CATSPERT: variants seen among roughly 807,000 people sequenced by gnomAD.
CATSPERT encodes catsper channel auxiliary subunit tau.
the CATSPERT span, among the ~76,000 whole-genome samples, chr2:201,505,255 GT>G: frequency 6.6e-6 from 1 of 152,078 alleles, no homozygotes; most frequent in South Asian, 2.1e-4. Flanking sequence ...GCTAATTTTT[GT>G]ATTTTTAGTA....
chr2:201,597,163 C>T, the CATSPERT span, among the ~76,000 whole-genome samples: 2 of 152,158 alleles, frequency 1.3e-5, no homozygotes, highest in Admixed American at 6.5e-5. Context: ...TTCTGTAGAA[C>T]ATGGTCCTTG....
the CATSPERT span, among the ~76,000 whole-genome samples, chr2:201,513,557 C>T: frequency 7.2e-5 from 11 of 152,188 alleles, no homozygotes; most frequent in Admixed American, 7.2e-4. Flanking sequence ...ACTACAATTT[C>T]AGCCAGCAGT....
At chr2:201,489,967 G>A in the CATSPERT span, among the ~76,000 whole-genome samples, 3 of 150,844 alleles carry the variant, frequency 2.0e-5, no homozygotes, top group African/African-American at 4.9e-5. Flanking sequence ...AGCGATTCTC[G>A]TGCTTCAGTC....
chr2:201,492,382 T>C, the CATSPERT span: 1 of 1,534,644 alleles, frequency 6.5e-7, no homozygotes, highest in South Asian at 1.2e-5. Flanking sequence ...TTTGCTTAAA[T>C]CAGCTTTTAG....
the CATSPERT span, among the ~76,000 whole-genome samples, chr2:201,609,085 A>T: frequency 3.3e-5 from 5 of 152,252 alleles, no homozygotes; most frequent in East Asian, 3.9e-4. Context: ...GAGACAATTT[A>T]AAAAAAGGTC....
the CATSPERT span, among the ~76,000 whole-genome samples, chr2:201,503,120 T>C: frequency 6.6e-6 from 1 of 152,352 alleles, no homozygotes; most frequent in African/African-American, 2.4e-5. Flanking sequence ...GTATGAACTA[T>C]ATTTATAATG....
At chr2:201,494,372 A>G in the CATSPERT span, 2 of 1,537,146 alleles carry the variant, frequency 1.3e-6, no homozygotes, top group Non-Finnish European at 1.7e-6. Context: ...AAAGACTTCG[A>G]GAGGTGACAT....
chr2:201,601,834 C>G, the CATSPERT span: 1 of 1,609,372 alleles, frequency 6.2e-7, no homozygotes, highest in East Asian at 2.2e-5. Flanking sequence ...CATTTCACAG[C>G]TTTGTTTATA....
the CATSPERT span, among the ~76,000 whole-genome samples, chr2:201,600,023 T>G: frequency 1.3e-5 from 2 of 152,154 alleles, no homozygotes; most frequent in African/African-American, 2.4e-5. Flanking sequence ...GTCTTCACAG[T>G]GTGGCGATTC....
At chr2:201,514,033 T>C in the CATSPERT span, among the ~76,000 whole-genome samples, 4 of 152,192 alleles carry the variant, frequency 2.6e-5, no homozygotes, top group Non-Finnish European at 5.9e-5. Context: ...ATTTATGGGA[T>C]AAATTTAAAG....
At chr2:201,616,386 T>C in the CATSPERT span, among the ~76,000 whole-genome samples, 11,698 of 152,248 alleles carry the variant, frequency 0.077, 630 homozygotes, top group Non-Finnish European at 0.12. Context: ...ATCCCTGGGA[T>C]GCAAGGCTGG....
At chr2:201,561,340 T>C in the CATSPERT span, among the ~76,000 whole-genome samples, 8,374 of 152,264 alleles carry the variant, frequency 0.055, 281 homozygotes, top group African/African-American at 0.08. Flanking sequence ...TTAAGCATCC[T>C]ACATATACGA....
At chr2:201,618,073 G>T in the CATSPERT span, among the ~76,000 whole-genome samples, 25 of 152,208 alleles carry the variant, frequency 1.6e-4, no homozygotes, top group African/African-American at 5.3e-4. Context: ...GTGCTGGAGA[G>T]GATGTGGAGA....
the CATSPERT span, among the ~76,000 whole-genome samples, chr2:201,516,240 A>G: frequency 6.6e-6 from 1 of 152,228 alleles, no homozygotes; most frequent in Non-Finnish European, 1.5e-5. Flanking sequence ...CTGCCGTCAC[A>G]TATTCAGTGT....
chr2:201,594,833 C>T, the CATSPERT span, among the ~76,000 whole-genome samples: 1 of 152,186 alleles, frequency 6.6e-6, no homozygotes. Flanking sequence ...GCTCCATCAG[C>T]TCCTTTAAGC....
At chr2:201,535,166 CTT>C in the CATSPERT span, 1 of 984,244 alleles carries the variant, frequency 1.0e-6, no homozygotes, top group Non-Finnish European at 1.2e-6. Context: ...AAAATTATGT[CTT>C]TTGAAATTTG....
chr2:201,532,345 G>A, the CATSPERT span, among the ~76,000 whole-genome samples: 1 of 152,156 alleles, frequency 6.6e-6, no homozygotes, highest in South Asian at 2.1e-4. Context: ...ATGCTGAAAA[G>A]ATTAAAGGAA....
the CATSPERT span, among the ~76,000 whole-genome samples, chr2:201,571,633 C>T: frequency 3.4e-4 from 52 of 152,214 alleles, 1 homozygote; most frequent in Admixed American, 3.1e-3. Context: ...GGGGTATCTC[C>T]TTGGCCTGCT....
At chr2:201,571,923 G>T in the CATSPERT span, 1 of 1,606,260 alleles carries the variant, frequency 6.2e-7, no homozygotes, top group Non-Finnish European at 8.5e-7. Context: ...CCATATTAAC[G>T]AGACTTAAAA....
Sources: allele counts gnomAD v4.1 joint callset (sites outside exome capture counted in the v4.1 genomes callset), GRCh38; gene constraint gnomAD v4.1.1; transcripts MANE v1.5; gene names NCBI Gene and HGNC (gene_info 2026-07-23, HGNC 2026-07-21).